LRIT3: variants seen among roughly 807,000 people sequenced by gnomAD.
The protein encoded by LRIT3 is leucine rich repeat, Ig-like and transmembrane domains 3, also known as leucine-rich repeat, immunoglobulin-like domain and transmembrane domain-containing protein 3.
A neutral mutation model predicts 22.6 loss-of-function variants in LRIT3; 14 were observed. The observed-to-expected ratio is 0.62, with a 90% CI of 0.41 to 0.97. The LOEUF (loss-of-function observed/expected upper bound fraction) is 0.97, where lower values mean the gene tolerates loss of function less well. Ranked by LOEUF, LRIT3 falls within the 50% of genes least tolerant of loss-of-function variation. LRIT3 has a pLI of 0.00. For synonymous variants in LRIT3, 306 were observed against 304.5 expected (o/e 1.01, Z -0.05); for missense variants, 783 against 803.0 (o/e 0.98, Z 0.30).
At position 109,870,208 on chromosome 4, in the gene LRIT3, A is replaced by G. The variant is rs200069084; in HGVS notation, c.1459A>G (p.Ile487Val). 2 of 1,614,240 alleles carry G rather than the reference A, an allele frequency of 1.2e-6. No individual in the cohort carries two copies. Among genetic ancestry groups the G allele is most frequent in the Non-Finnish European group, 1.7e-6 (2 of 1,180,028 alleles). ...AATGCTTACGGAGACAAATGCCGCA[A>G]TAGAAAACCTCAGGGTGGTCAGTGA... ...QTMLTETNAA[I>V]ENLRVVSETK... The change falls in exon 4 of 4, where the codon ATA (isoleucine) becomes GTA (valine). Residue 487 changes from isoleucine (I) to valine (V), a missense_variant. This residue lies in a region of LRIT3 where 756 missense variants were observed against 753.8 expected (regional missense o/e 1.00). Transcript: ENST00000594814.
rs1251866042 is a variant in LRIT3, at chr4:109,850,422, C to CCTTTCTTTCTTTCTTT, written c.117-1033_117-1018dup. Among the ~76,000 whole-genome samples, 22 of 55,090 alleles carry CCTTTCTTTCTTTCTTT rather than the reference C, an allele frequency of 4.0e-4. 1 individual carries two copies. The highest frequency in any genetic ancestry group is 1.2e-3 in the African/African-American group (16 of 13,194). 36.1% of individuals were successfully genotyped at this position (55,090 alleles called of 152,430 possible). On this transcript the variant is annotated intron_variant, in intron 1 of 3. Coordinates refer to ENST00000594814, the MANE Select transcript of LRIT3 (RefSeq NM_198506.5). The stretch of plus-strand genomic sequence containing the variant: ...TCCTTCCTTCCTTCCTTCCTTCCTT[C>CCTTTCTTTCTTTCTTT]CTTTCTTTCTTTCTTTCTTTCTTTC...
chr4:109,851,934 C>G lies in LRIT3; in HGVS notation c.547C>G (p.Pro183Ala). Residue 183 changes from proline (P) to alanine (A), a missense_variant, in exon 2 of 4, where the codon CCT (proline) becomes GCT (alanine). By Grantham distance (27) the Pro-to-Ala change is conservative. Transcript: ENST00000594814. ...LESWTHLVST[P>A]SGVLDLSPSR... is the part of the protein sequence containing the mutation. Reference sequence around the variant, plus strand: ...GAGCTGGACTCATTTAGTTTCAACACCTTCTGGAGTCCTGGACCTTTCCCC... The same window carrying G: ...GAGCTGGACTCATTTAGTTTCAACAGCTTCTGGAGTCCTGGACCTTTCCCC... 6.4e-7 allele frequency: 1 copy of G among 1,551,466 alleles called. No homozygotes were observed. The highest frequency in any genetic ancestry group is 8.7e-7 in the Non-Finnish European group (1 of 1,146,902).
Position 109,870,804 on chromosome 4 carries a change from G to A in LRIT3, c.*15G>A. 1 of 1,558,302 alleles carries A rather than the reference G, an allele frequency of 6.4e-7. No homozygotes were observed. The highest frequency in any genetic ancestry group is 1.2e-5 in the South Asian group (1 of 81,310). On this transcript the variant is annotated 3_prime_UTR_variant, in exon 4 of 4. Transcript: ENST00000594814. ...ATTATTGCTAAGGTTCTGCAGCTCAGGTGCATGTGAGCTACAAAACTAGCA... is the reference window on the plus strand; with the variant it reads ...ATTATTGCTAAGGTTCTGCAGCTCAAGTGCATGTGAGCTACAAAACTAGCA...
intron 1 of LRIT3, among the ~76,000 whole-genome samples, chr4:109,849,090 G>A (rs567508088): frequency 5.3e-5 from 8 of 151,900 alleles, no homozygotes; most frequent in African/African-American, 9.7e-5. Flanking sequence ...TGAAGTAAAC[G>A]GTGTCTCAGA....
chr4:109,868,208 C>G (rs1734732603), intron 3 of LRIT3, among the ~76,000 whole-genome samples: 1 of 152,104 alleles, frequency 6.6e-6, no homozygotes, highest in Non-Finnish European at 1.5e-5. Flanking sequence ...CAGACAAGGT[C>G]TTTGTCTTGC....
intron 2 of LRIT3, among the ~76,000 whole-genome samples, chr4:109,856,480 T>G (rs1734405238): frequency 6.6e-6 from 1 of 152,172 alleles, no homozygotes; most frequent in African/African-American, 2.4e-5. Flanking sequence ...AGATAACCCC[T>G]CAGAGATACC....
intron 2 of LRIT3, among the ~76,000 whole-genome samples, chr4:109,853,800 C>T: frequency 6.6e-6 from 1 of 152,196 alleles, no homozygotes; most frequent in East Asian, 1.9e-4. Flanking sequence ...CAGTTTTCTG[C>T]ATATGGCTAG....
rs754527514 is a variant in LRIT3 at position 109,870,505 on chromosome 4, G to C, written c.1756G>C (p.Val586Leu). The change falls in exon 4 of 4, where the codon GTG becomes CTG. Residue 586 changes from valine to leucine, a missense_variant. By Grantham distance (32) the Val-to-Leu change is conservative. This residue lies in a region of LRIT3 where 756 missense variants were observed against 753.8 expected (regional missense o/e 1.00). Coordinates refer to ENST00000594814, the MANE Select transcript of LRIT3 (RefSeq NM_198506.5). ...TGATTCTCAATGGTCTCTCCTTCTCGTGGTGACCAGTACTGCCTGTGTTGT... is the reference window on the plus strand; with the variant it reads ...TGATTCTCAATGGTCTCTCCTTCTCCTGGTGACCAGTACTGCCTGTGTTGT... The part of the protein sequence containing the change: ...GDDSQWSLLL[V>L]VTSTACVVIL... The C allele has an allele frequency of 2.5e-6, 4 of 1,614,068 alleles. No homozygotes were observed. Among genetic ancestry groups the C allele is most frequent in the Non-Finnish European group, 3.4e-6 (4 of 1,180,036 alleles).
rs981531039 is a variant in LRIT3, at chr4:109,851,634, C to G, written c.247C>G (p.Leu83Val). 1.3e-6 allele frequency: 2 copies of G among 1,551,592 alleles called. No individual in the cohort carries two copies. The highest frequency in any genetic ancestry group is 1.7e-6 in the Non-Finnish European group (2 of 1,147,008). Residue 83 changes from leucine to valine, a missense_variant, in exon 2 of 4, where the codon CTC (leucine) becomes GTC (valine). This residue lies in a region of LRIT3 where 756 missense variants were observed against 753.8 expected (regional missense o/e 1.00). Coordinates refer to ENST00000594814, the MANE Select transcript of LRIT3 (RefSeq NM_198506.5). Reference protein sequence around the residue: ...SAEAFYYLVELQYLWVTYNSV... With the variant: ...SAEAFYYLVEVQYLWVTYNSV... ...GGAGGCCTTCTATTACCTGGTGGAG[C>G]TCCAGTATCTCTGGGTGACTTACAA...
At chr4:109,858,882 C>T (rs1329042844) in intron 2 of LRIT3, among the ~76,000 whole-genome samples, 1 of 152,162 alleles carries the variant, frequency 6.6e-6, no homozygotes, top group Non-Finnish European at 1.5e-5. Context: ...AAAAGCTTTA[C>T]TGCAATAGGC....
Position 109,851,594 on chromosome 4 carries a change from C to G in LRIT3, c.207C>G (p.Ile69Met). 1 of 1,551,888 alleles carries G rather than the reference C, an allele frequency of 6.4e-7. No homozygotes were observed. The highest frequency in any genetic ancestry group is 8.7e-7 in the Non-Finnish European group (1 of 1,147,034). ...TVKLRIEKTV[I>M]RRISAEAFYY... is the part of the protein sequence containing the mutation. ...AGCTTCGCATAGAGAAGACTGTCAT[C>G]CGCAGAATCTCTGCGGAGGCCTTCT... Residue 69 changes from isoleucine (I) to methionine (M), a missense_variant, in exon 2 of 4, where the codon ATC becomes ATG. This residue lies in a region of LRIT3 where 756 missense variants were observed against 753.8 expected (regional missense o/e 1.00). Coordinates refer to ENST00000594814, the MANE Select transcript of LRIT3 (RefSeq NM_198506.5).
intron 2 of LRIT3, among the ~76,000 whole-genome samples, chr4:109,854,335 T>C (rs1026836251): frequency 3.9e-5 from 6 of 152,350 alleles, no homozygotes; most frequent in Admixed American, 6.5e-5. Flanking sequence ...AGGTATTTTA[T>C]TCTCTTTTTA....
In LRIT3 at chr4:109,858,346, G is replaced by T. The variant is rs532163654; in HGVS notation, c.589+6370G>T. Among the ~76,000 whole-genome samples, 3 of 152,272 alleles carry T rather than the reference G, an allele frequency of 2.0e-5. No homozygotes were observed. The East Asian group carries it at 5.8e-4, about 29-fold the overall frequency. ...GTTGTTCAGGATGGCTGACTGGATT[G>T]TCTGTTGTAAAGGAGTTAGCATGGT... is the stretch of plus-strand genomic sequence containing the variant. On this transcript the variant is annotated intron_variant, in intron 2 of 3. Transcript: ENST00000594814.
chr4:109,867,361 A>G (rs1466484318), intron 2 of LRIT3, among the ~76,000 whole-genome samples: 3 of 152,174 alleles, frequency 2.0e-5, no homozygotes, highest in African/African-American at 4.8e-5. Context: ...TTGAGATTAC[A>G]TGTGATAATA....
chr4:109,863,816 A>G (rs56005838), intron 2 of LRIT3, among the ~76,000 whole-genome samples: 10,845 of 152,274 alleles, frequency 0.071, 528 homozygotes, highest in Non-Finnish European at 0.1. Flanking sequence ...AAAGCAAGAA[A>G]GTCCTGGGCA....
intron 1 of LRIT3, among the ~76,000 whole-genome samples, chr4:109,850,360 T>TTCCG (rs1734185363): frequency 3.7e-3 from 1 of 268 alleles, no homozygotes; most frequent in South Asian, 0.036. Flanking sequence ...GTTGTCTTCC[T>TTCCG]TCCTTCCTTC....
intron 3 of LRIT3, 35 bp from the exon 4 acceptor site, chr4:109,869,610 T>G (rs1734769283): frequency 1.3e-6 from 2 of 1,512,944 alleles, no homozygotes; most frequent in Admixed American, 4.5e-5. Flanking sequence ...ATTTTCTTTT[T>G]GTTCCTCACA....
chr4:109,850,423 CTTTCTTTCTTTCTTTCT>C (rs1241268529), intron 1 of LRIT3, among the ~76,000 whole-genome samples: 94 of 6,114 alleles, frequency 0.015, 5 homozygotes, highest in African/African-American at 0.029. Flanking sequence ...TCCTTCCTTC[CTTTCTTTCTTTCTTTCT>C]TTCTTTCTTT....
chr4:109,851,510 G>A lies in LRIT3; in HGVS notation c.123G>A (p.Val41=). The A allele has an allele frequency of 6.5e-7, 1 of 1,537,098 alleles. No individual in the cohort carries two copies. The highest frequency in any genetic ancestry group is 8.8e-7 in the Non-Finnish European group (1 of 1,138,752). The change falls in exon 2 of 4, where the codon GTG becomes GTA. Residue 41 remains valine (V), a synonymous_variant. Transcript: ENST00000594814. ...GTTCATGTTGTGACACTAGGTTGGTGCTATGTAATGACATGGATATGAACG... is the reference window on the plus strand; with the variant it reads ...GTTCATGTTGTGACACTAGGTTGGTACTATGTAATGACATGGATATGAACG... ...GRNDGSGSRL[V]LCNDMDMNEL...
Sources: gnomAD v4.1 joint callset for allele counts (sites outside exome capture counted in the v4.1 genomes callset) on GRCh38, gnomAD v4.1.1 for gene constraint, gnomAD v4.1.1 regional missense constraint, MANE v1.5 for transcripts, NCBI Gene and HGNC (gene_info 2026-07-23, HGNC 2026-07-21) for gene names.